The following HIF1AN variants were observed in gnomAD, a reference collection of about 807,000 sequenced individuals.
The protein encoded by HIF1AN is hypoxia inducible factor 1 subunit alpha inhibitor.
In HIF1AN, 21 loss-of-function variants were observed where a neutral mutation model predicts 47.7. The ratio of observed to expected loss-of-function variants is 0.44; its 90% CI spans 0.31 to 0.63. The LOEUF (loss-of-function observed/expected upper bound fraction) is 0.63, where lower values mean the gene tolerates loss of function less well. HIF1AN is among the 30% of genes least tolerant of loss of function. The pLI, the probability that HIF1AN is intolerant of heterozygous loss-of-function variation, is 0.07. For missense variants in HIF1AN, 320 were observed against 432.7 expected (o/e 0.74, Z 2.31); for synonymous variants, 152 against 155.9 (o/e 0.98, Z 0.18).
At chr10:100,539,278 C>A (rs1472847588) in intron 2 of HIF1AN, among the ~76,000 whole-genome samples, 1 of 152,036 alleles carries the variant, frequency 6.6e-6, no homozygotes, top group Non-Finnish European at 1.5e-5. Flanking sequence ...GACAGAGATG[C>A]TTCTGTCTTT....
chr10:100,542,837 T>G (rs1391584588), intron 3 of HIF1AN, among the ~76,000 whole-genome samples: 1 of 141,836 alleles, frequency 7.1e-6, no homozygotes, highest in African/African-American at 2.7e-5. Context: ...CTAATAAATA[T>G]GTGAATGTGT....
chr10:100,537,465 GTA>G (rs930299815), intron 2 of HIF1AN, among the ~76,000 whole-genome samples: 4 of 152,150 alleles, frequency 2.6e-5, no homozygotes, highest in African/African-American at 9.7e-5. Flanking sequence ...CTGAAAAGTT[GTA>G]TAGTTTGTTG....
chr10:100,539,725 T>C (rs1843001863), intron 2 of HIF1AN, among the ~76,000 whole-genome samples: 2 of 152,216 alleles, frequency 1.3e-5, no homozygotes. Context: ...TGTGGACATT[T>C]CCTTGGCCAG....
Position 100,553,128 on chromosome 10 carries a change from T to C in HIF1AN, c.*4991T>C, listed in dbSNP as rs1287952185. On this transcript the variant is annotated 3_prime_UTR_variant, in exon 8 of 8. Transcript: ENST00000299163. ...GGTGCAGGGATTGCTGAGGAGACTT[T>C]GTGAGAATGATGTCAGGCCCGGGAA... 3 of 151,328 alleles carry C rather than the reference T, an allele frequency of 2.0e-5. No homozygotes were observed. The highest frequency in any genetic ancestry group is 2.1e-4 in the South Asian group (1 of 4,826). 9.4% of individuals were successfully genotyped at this position (151,328 alleles called of 1,614,324 possible). A position where few individuals can be genotyped will look rare whatever the true frequency, so the allele number is the denominator to read the frequency against.
Position 100,552,811 on chromosome 10 carries a change from A to G in HIF1AN, c.*4674A>G, listed in dbSNP as rs1384382933. On this transcript the variant is annotated 3_prime_UTR_variant, in exon 8 of 8. Transcript: ENST00000299163. ...TTTGACAGCTCTGTTTATTTTGCCC[A>G]TGGCTAGTCCTCTTGTTTTGTGTCT... 3 of 152,126 alleles carry G rather than the reference A, an allele frequency of 2.0e-5. No homozygotes were observed. Among genetic ancestry groups the G allele is most frequent in the African/African-American group, 7.3e-5 (3 of 41,300 alleles). 9.4% of individuals were successfully genotyped at this position (152,126 alleles called of 1,614,324 possible).
chr10:100,556,235 G>A lies in HIF1AN; in HGVS notation c.*8098G>A, dbSNP rs1477650867. Reference sequence around the variant, plus strand: ...TGTCAGTAACCTCTGATGCTTACAAGGATACTATCACCTATGCCATCAGTG... The same window carrying A: ...TGTCAGTAACCTCTGATGCTTACAAAGATACTATCACCTATGCCATCAGTG... On this transcript the variant is annotated 3_prime_UTR_variant, in exon 8 of 8. Transcript: ENST00000299163. 10 of 152,136 alleles carry A rather than the reference G, an allele frequency of 6.6e-5. No individual in the cohort carries two copies. The highest frequency in any genetic ancestry group is 6.5e-4 in the Admixed American group (10 of 15,270). 9.4% of individuals were successfully genotyped at this position (152,136 alleles called of 1,614,324 possible). A position where few individuals can be genotyped will look rare whatever the true frequency, so the allele number is the denominator to read the frequency against.
chr10:100,543,793 CA>C (rs1307330079), intron 3 of HIF1AN, among the ~76,000 whole-genome samples: 1 of 152,158 alleles, frequency 6.6e-6, no homozygotes. Context: ...AGGATGGTCT[CA>C]ATCTCCTGAC....
At chr10:100,544,043 G>T (rs1213377121) in intron 3 of HIF1AN, among the ~76,000 whole-genome samples, 1 of 152,188 alleles carries the variant, frequency 6.6e-6, no homozygotes, top group African/African-American at 2.4e-5. Flanking sequence ...GGGGAAGATT[G>T]TCTAAATTCC....
rs1350779359 is a variant in HIF1AN at position 100,549,096 on chromosome 10, G to GTA, written c.*960_*961insAT. 4 of 152,802 alleles carry GTA rather than the reference G, an allele frequency of 2.6e-5. No homozygotes were observed. Among genetic ancestry groups the GTA allele is most frequent in the African/African-American group, 9.7e-5 (4 of 41,284 alleles). The allele number at this position is 152,802 out of a possible 1,614,324, so 9.5% of individuals were successfully genotyped here. A position where few individuals can be genotyped will look rare whatever the true frequency, so the allele number is the denominator to read the frequency against. On this transcript the variant is annotated 3_prime_UTR_variant, in exon 8 of 8. Coordinates refer to ENST00000299163, the MANE Select transcript of HIF1AN (RefSeq NM_017902.3). ...TGTGTGTGTGTCCGTGTGTGTGTGT[G>GTA]TGTGTGTCCACACTGGCCAGCCTCC...
In HIF1AN at chr10:100,558,262, C is replaced by CT; in HGVS notation, c.*10125_*10126insT. The CT allele has an allele frequency of 6.6e-6, 1 of 152,358 alleles. No homozygotes were observed. The highest frequency in any genetic ancestry group is 1.5e-5 in the Non-Finnish European group (1 of 68,072). 9.4% of individuals were successfully genotyped at this position (152,358 alleles called of 1,614,324 possible). A position where few individuals can be genotyped will look rare whatever the true frequency, so the allele number is the denominator to read the frequency against. On this transcript the variant is annotated 3_prime_UTR_variant, in exon 8 of 8. Coordinates refer to ENST00000299163, the MANE Select transcript of HIF1AN (RefSeq NM_017902.3). ...AACCTTAGGAATTGTGACCAGAAGT[C>CT]AAAGTTGTTACAGCAATCCTGCATT... is the stretch of plus-strand genomic sequence containing the variant.
intron 3 of HIF1AN, among the ~76,000 whole-genome samples, chr10:100,541,765 C>T (rs1157245603): frequency 6.6e-6 from 1 of 152,162 alleles, no homozygotes; most frequent in Non-Finnish European, 1.5e-5. Context: ...AGGGACCTCT[C>T]TGAAATACAG....
rs183816890 is a variant in HIF1AN, at chr10:100,542,041, G to A, written c.577+1259G>A. Among the ~76,000 whole-genome samples the A allele has an allele frequency of 5.9e-4, 90 of 151,840 alleles. 2 individuals are homozygous for A. The highest frequency in any genetic ancestry group is 1.1e-3 in the Non-Finnish European group (76 of 67,954). On this transcript the variant is annotated intron_variant, in intron 3 of 7. Transcript: ENST00000299163. ...TAAATATAGAAAAGGTATAGTAAAA[G>A]TACGGTATCAGATACTGCAGGAAAA...
At chr10:100,547,339 A>G (rs1048003118) in intron 7 of HIF1AN, 89 bp downstream of exon 7, 16 of 789,648 alleles carry the variant, frequency 2.0e-5, no homozygotes, top group Non-Finnish European at 3.5e-5. Context: ...TCTGTGTTTC[A>G]GTGTCTGGTG....
Position 100,546,063 on chromosome 10 carries a change from T to A in HIF1AN, c.830+14T>A. ...CCCAATGTACTGGTGAGAAGGGGGCTAGGGCTGGGGGCTTTTTGGGAGCTT... is the reference window on the plus strand; with the variant it reads ...CCCAATGTACTGGTGAGAAGGGGGCAAGGGCTGGGGGCTTTTTGGGAGCTT... On this transcript the variant is annotated intron_variant, in intron 5 of 7. Transcript: ENST00000299163. 8 of 1,376,330 alleles carry A rather than the reference T, an allele frequency of 5.8e-6. No homozygotes were observed. Among genetic ancestry groups the A allele is most frequent in the Non-Finnish European group, 8.2e-6 (8 of 971,164 alleles). The allele number at this position is 1,376,330 out of a possible 1,614,324, so 85.3% of individuals were successfully genotyped here. A position where few individuals can be genotyped will look rare whatever the true frequency, so the allele number is the denominator to read the frequency against.
chr10:100,542,417 G>A (rs1355622379), intron 3 of HIF1AN, among the ~76,000 whole-genome samples: 1 of 152,100 alleles, frequency 6.6e-6, no homozygotes, highest in Non-Finnish European at 1.5e-5. Flanking sequence ...GCAGTGGCGC[G>A]ATCTCGGCTC....
At position 100,552,413 on chromosome 10, in the gene HIF1AN, C is replaced by T. The variant is rs1843171222; in HGVS notation, c.*4276C>T. On this transcript the variant is annotated 3_prime_UTR_variant, in exon 8 of 8. Transcript: ENST00000299163. ...ATGACCCTCAGGGACCAGTTTCACC[C>T]AGATGGGGTAGATGATGAGGTATAC... The T allele has an allele frequency of 6.6e-6, 1 of 152,266 alleles. No homozygotes were observed. Among genetic ancestry groups the T allele is most frequent in the Non-Finnish European group, 1.5e-5 (1 of 68,086 alleles). The allele number at this position is 152,266 out of a possible 1,614,324, so 9.4% of individuals were successfully genotyped here. A position where few individuals can be genotyped will look rare whatever the true frequency, so the allele number is the denominator to read the frequency against.
chr10:100,547,034 C>A, intron 6 of HIF1AN, 106 bp from the exon 7 acceptor site: 1 of 813,534 alleles, frequency 1.2e-6, no homozygotes, highest in Non-Finnish European at 2.0e-6. Context: ...GTCACCGTGC[C>A]CGGCAAGAAT....
chr10:100,558,441 AAAC>A lies in HIF1AN; in HGVS notation c.*10307_*10309del, dbSNP rs1291729079. ...CATAGTGACACCCCATCTCTTGAAAAAACAAACACTCTTAAGAGCAGTGGTTCA... is the reference window on the plus strand; with the variant it reads ...CATAGTGACACCCCATCTCTTGAAAAAAACACTCTTAAGAGCAGTGGTTCA... On this transcript the variant is annotated 3_prime_UTR_variant, in exon 8 of 8. Transcript: ENST00000299163. 1 of 152,162 alleles carries A rather than the reference AAAC, an allele frequency of 6.6e-6. No homozygotes were observed. Among genetic ancestry groups the A allele is most frequent in the African/African-American group, 2.4e-5 (1 of 41,406 alleles). The allele number at this position is 152,162 out of a possible 1,614,324, so 9.4% of individuals were successfully genotyped here.
rs746271386 is a variant in HIF1AN at position 100,540,678 on chromosome 10, T to C, written c.473T>C (p.Ile158Thr). 4 of 1,613,746 alleles carry C rather than the reference T, an allele frequency of 2.5e-6. No homozygotes were observed. Among genetic ancestry groups the C allele is most frequent in the Non-Finnish European group, 3.4e-6 (4 of 1,179,922 alleles). ...QTLNDTVGRK[I>T]VMDFLGFNWN... ...CTCAATGACACTGTGGGCAGGAAGA[T>C]TGTCATGGACTTCTTAGGTTTTAAC... The change falls in exon 3 of 8, where the codon ATT becomes ACT. Residue 158 changes from isoleucine to threonine, a missense_variant. Ile to Thr is a moderately conservative substitution (Grantham distance 89). Coordinates refer to ENST00000299163, the MANE Select transcript of HIF1AN (RefSeq NM_017902.3).
Sources: gnomAD v4.1 joint callset for allele counts (sites outside exome capture counted in the v4.1 genomes callset) on GRCh38, gnomAD v4.1.1 for gene constraint, MANE v1.5 for transcripts, NCBI Gene and HGNC (gene_info 2026-07-23, HGNC 2026-07-21) for gene names.